DEPDC1B: variants seen among roughly 807,000 people sequenced by gnomAD.
DEPDC1B encodes the protein DEP domain-containing protein 1B.
In DEPDC1B, 51 loss-of-function variants were observed where a neutral mutation model predicts 66.5. The ratio of observed to expected loss-of-function variants is 0.77; its 90% CI spans 0.61 to 0.97. DEPDC1B has a LOEUF of 0.97. Ranked by LOEUF, DEPDC1B falls within the 50% of genes least tolerant of loss-of-function variation. DEPDC1B has a pLI of 0.00. For synonymous variants in DEPDC1B, 226 were observed against 223.6 expected (o/e 1.01, Z -0.10); for missense variants, 552 against 637.1 (o/e 0.87, Z 1.44).
chr5:60,632,083 T>C (rs1454019497), intron 7 of DEPDC1B, among the ~76,000 whole-genome samples: 2 of 152,212 alleles, frequency 1.3e-5, no homozygotes, highest in Admixed American at 1.3e-4. Context: ...AAAGGACCAG[T>C]GGAACAATTT....
chr5:60,598,002 C>T, intron 10 of DEPDC1B, 88 bp from the exon 11 acceptor site: 2 of 1,123,908 alleles, frequency 1.8e-6, no homozygotes, highest in Non-Finnish European at 2.4e-6. Context: ...GTTTCTGAGC[C>T]TGTATTTTCC....
chr5:60,607,815 A>G (rs1752341234), intron 7 of DEPDC1B, among the ~76,000 whole-genome samples: 1 of 152,242 alleles, frequency 6.6e-6, no homozygotes, highest in Admixed American at 6.5e-5. Flanking sequence ...AATGGCAATT[A>G]CAAACATTGT....
chr5:60,667,779 A>G (rs181104711), intron 2 of DEPDC1B, among the ~76,000 whole-genome samples: 1,688 of 118,652 alleles, frequency 0.014, 117 homozygotes, highest in East Asian at 0.06. Flanking sequence ...TATTTTACAT[A>G]TATATAAAAA....
chr5:60,684,965 T>A (rs1228472557), intron 2 of DEPDC1B, among the ~76,000 whole-genome samples: 2 of 152,066 alleles, frequency 1.3e-5, no homozygotes, highest in Non-Finnish European at 2.9e-5. Flanking sequence ...GATAAGTATG[T>A]CAAAAAAATG....
At chr5:60,678,380 G>A (rs1360000736) in intron 2 of DEPDC1B, among the ~76,000 whole-genome samples, 1 of 152,130 alleles carries the variant, frequency 6.6e-6, no homozygotes, top group East Asian at 1.9e-4. Context: ...TTCACTTAAC[G>A]AGTTTTTGTG....
intron 7 of DEPDC1B, among the ~76,000 whole-genome samples, chr5:60,609,022 A>G (rs1752365974): frequency 6.6e-6 from 1 of 152,160 alleles, no homozygotes; most frequent in African/African-American, 2.4e-5. Flanking sequence ...AGGCAAGAGG[A>G]TCACTTGAGC....
chr5:60,694,775 T>A (rs1446285184), intron 1 of DEPDC1B, among the ~76,000 whole-genome samples: 1 of 152,236 alleles, frequency 6.6e-6, no homozygotes, highest in Non-Finnish European at 1.5e-5. Flanking sequence ...TCGATTTTGT[T>A]CAGCTCAATA....
chr5:60,633,541 G>A (rs1301080797), intron 7 of DEPDC1B, among the ~76,000 whole-genome samples: 1 of 152,188 alleles, frequency 6.6e-6, no homozygotes, highest in African/African-American at 2.4e-5. Flanking sequence ...TGGCCTGCTG[G>A]AGGGAGACAT....
chr5:60,616,787 C>G (rs188246858), intron 7 of DEPDC1B, among the ~76,000 whole-genome samples: 112 of 152,174 alleles, frequency 7.4e-4, no homozygotes, highest in African/African-American at 2.5e-3. Context: ...ATACAGAGAA[C>G]GCCACAAAGA....
intron 1 of DEPDC1B, 34 bp from the exon 2 acceptor site, chr5:60,687,261 C>T (rs2112033577): frequency 6.4e-7 from 1 of 1,567,654 alleles, no homozygotes; most frequent in South Asian, 1.2e-5. Context: ...ATTTAGTAAT[C>T]AACTGATTTT....
chr5:60,625,597 CCT>C (rs1467380759), intron 7 of DEPDC1B, among the ~76,000 whole-genome samples: 1 of 152,074 alleles, frequency 6.6e-6, no homozygotes, highest in Admixed American at 6.5e-5. Context: ...ATAAGCTATA[CCT>C]CTGTTTAAAC....
At chr5:60,639,515 T>C (rs1753137468) in intron 6 of DEPDC1B, among the ~76,000 whole-genome samples, 1 of 152,134 alleles carries the variant, frequency 6.6e-6, no homozygotes, top group East Asian at 1.9e-4. Flanking sequence ...TGACCAACCA[T>C]CAAAAGACAG....
chr5:60,689,856 T>C (rs2112039939), intron 1 of DEPDC1B, among the ~76,000 whole-genome samples: 1 of 152,288 alleles, frequency 6.6e-6, no homozygotes, highest in East Asian at 1.9e-4. Context: ...AGCCTGGGCA[T>C]CATGGGGAAA....
intron 7 of DEPDC1B, among the ~76,000 whole-genome samples, chr5:60,617,583 G>A (rs1250103471): frequency 6.6e-6 from 1 of 152,164 alleles, no homozygotes; most frequent in Non-Finnish European, 1.5e-5. Flanking sequence ...AACAAGAAGA[G>A]CTAACTATCC....
intron 9 of DEPDC1B, among the ~76,000 whole-genome samples, chr5:60,601,431 C>G (rs189274975): frequency 3.9e-5 from 6 of 152,274 alleles, no homozygotes; most frequent in Non-Finnish European, 1.5e-5. Flanking sequence ...CTCTCTTATA[C>G]CACTGACAGA....
At position 60,644,871 on chromosome 5, in the gene DEPDC1B, G is replaced by A. The variant is rs760102134; in HGVS notation, c.583C>T (p.Gln195Ter). 6.3e-7 allele frequency: 1 copy of A among 1,599,298 alleles called. No individual in the cohort carries two copies. Among genetic ancestry groups the A allele is most frequent in the Non-Finnish European group, 8.5e-7 (1 of 1,172,964 alleles). ...AAGGAATCCAGGCCAAGAATTTTCT[G>A]TAAGCTAAAAGATAAGTAATTATAT... ...IWKSMTLSYL[Q>*]KILGLDSLEE... The change falls in exon 5 of 11, where the codon CAG becomes TAG. Residue 195 changes from glutamine (Q) to a stop codon, truncating the protein, a stop_gained. Transcript: ENST00000265036. LOFTEE classifies it high-confidence loss of function.
At chr5:60,644,687 G>C (rs1463341654) in intron 5 of DEPDC1B, 58 bp downstream of exon 5, 2 of 1,448,700 alleles carry the variant, frequency 1.4e-6, no homozygotes, top group Non-Finnish European at 1.9e-6. Flanking sequence ...GGAGCTGATG[G>C]ACCTGTGCAG....
chr5:60,686,337 C>T (rs80138086), intron 2 of DEPDC1B, among the ~76,000 whole-genome samples: 14,055 of 152,204 alleles, frequency 0.092, 1,217 homozygotes, highest in African/African-American at 0.22. Context: ...TGAGGTTGCT[C>T]TCCTCCACCT....
chr5:60,655,202 C>T lies in DEPDC1B; in HGVS notation c.315-7669G>A, dbSNP rs535924870. 4.8e-4 allele frequency among the ~76,000 whole-genome samples: 71 copies of T among 149,076 alleles called. 10 individuals carry two copies. Among genetic ancestry groups the T allele is most frequent in the African/African-American group, 1.7e-3 (69 of 39,578 alleles). On this transcript the variant is annotated intron_variant, in intron 2 of 10. Transcript: ENST00000265036. Reference sequence around the variant, plus strand: ...GAAATAGTGTCAATAGGATTGGTACCAATTCTTCCTTGAATATCTGATAGA... The same window carrying T: ...GAAATAGTGTCAATAGGATTGGTACTAATTCTTCCTTGAATATCTGATAGA...
Sources: gnomAD v4.1 joint callset for allele counts (sites outside exome capture counted in the v4.1 genomes callset) on GRCh38, gnomAD v4.1.1 for gene constraint, MANE v1.5 for transcripts, NCBI Gene and HGNC (gene_info 2026-07-23, HGNC 2026-07-21) for gene names.